The following PTGIS variants were observed in gnomAD, a reference collection of about 807,000 sequenced individuals.
The protein encoded by PTGIS is prostacyclin synthase.
Under a neutral mutation model 50.3 loss-of-function variants are expected in PTGIS, and 45 were observed. The ratio of observed to expected loss-of-function variants is 0.90; its 90% CI spans 0.70 to 1.15. The LOEUF (loss-of-function observed/expected upper bound fraction) is 1.15. PTGIS is among the 50% of genes most tolerant of loss of function. The pLI, the probability that PTGIS is intolerant of heterozygous loss-of-function variation, is 0.00. For missense variants in PTGIS, 668 were observed against 661.3 expected, an observed-to-expected ratio of 1.01 and a Z score of -0.11; for synonymous variants, 260 against 267.7, an observed-to-expected ratio of 0.97 and a Z score of 0.28.
At chr20:49,530,190 T>C (rs1026647306) in intron 5 of PTGIS, among the ~76,000 whole-genome samples, 1 of 151,738 alleles carries the variant, frequency 6.6e-6, no homozygotes, top group African/African-American at 2.4e-5. Context: ...CTGTCATAGT[T>C]ATGTATGTAT....
At chr20:49,554,254 A>C (rs897210034) in intron 1 of PTGIS, among the ~76,000 whole-genome samples, 1 of 152,192 alleles carries the variant, frequency 6.6e-6, no homozygotes, top group African/African-American at 2.4e-5. Flanking sequence ...TTGTAGCCTG[A>C]TGCTAAAAAT....
In PTGIS at chr20:49,507,742, C is replaced by A; in HGVS notation, c.*178G>T. On this transcript the variant is annotated 3_prime_UTR_variant, in exon 10 of 10. Coordinates refer to ENST00000244043, the MANE Select transcript of PTGIS (RefSeq NM_000961.4). ...ATCCATAGAGCTTTCAATGTCTTTT[C>A]TTTGTTCACCCTCTTAGCTTTTCCC... 2 of 833,530 alleles carry A rather than the reference C, an allele frequency of 2.4e-6. No individual in the cohort carries two copies. 51.6% of individuals were successfully genotyped at this position (833,530 alleles called of 1,614,324 possible).
chr20:49,550,697 ATC>A (rs1359262530), intron 1 of PTGIS, among the ~76,000 whole-genome samples: 1 of 152,168 alleles, frequency 6.6e-6, no homozygotes, highest in Non-Finnish European at 1.5e-5. Flanking sequence ...AGAATCCCGA[ATC>A]TCTGAAAATT....
At position 49,536,404 on chromosome 20, in the gene PTGIS, G is replaced by C. The variant is rs76951381; in HGVS notation, c.673+3166C>G. ...ACTGACTATGACAATGCTTAACCTC[G>C]TATCTGGCACATAGTAAGTGCTCAG... On this transcript the variant is annotated intron_variant, in intron 5 of 9. Transcript: ENST00000244043. Among the ~76,000 whole-genome samples, 622 of 151,590 alleles carry C rather than the reference G, an allele frequency of 4.1e-3. 13 individuals are homozygous for C. The East Asian group carries it at 0.069, about 17-fold the overall frequency.
chr20:49,517,120 T>TC (rs2122845586), intron 6 of PTGIS, among the ~76,000 whole-genome samples: 1 of 152,322 alleles, frequency 6.6e-6, no homozygotes, highest in East Asian at 1.9e-4. Flanking sequence ...CACTGGCCCC[T>TC]CCCCTGGATT....
In PTGIS at chr20:49,550,059, C is replaced by T. The variant is rs1475223912; in HGVS notation, c.198+7G>A. On this transcript the variant is annotated splice_region_variant and intron_variant, in intron 2 of 9. Transcript: ENST00000244043. ...CCCATCCCTCCCGAGGCACAAGAGG[C>T]ACTTACAGTAAAGATGTCACCGTGC... The T allele has an allele frequency of 6.2e-7, 1 of 1,614,146 alleles. No individual in the cohort carries two copies. Among genetic ancestry groups the T allele is most frequent in the Non-Finnish European group, 8.5e-7 (1 of 1,180,014 alleles).
chr20:49,567,955 C>T, intron 1 of PTGIS, 88 bp downstream of exon 1: 1 of 1,271,224 alleles, frequency 7.9e-7, no homozygotes, highest in Non-Finnish European at 1.0e-6. Flanking sequence ...CGGGCCGGGC[C>T]GGCCGCGGGC....
chr20:49,521,382 C>T (rs1981647792), intron 6 of PTGIS, among the ~76,000 whole-genome samples: 1 of 152,188 alleles, frequency 6.6e-6, no homozygotes, highest in South Asian at 2.1e-4. Flanking sequence ...AAAGTTTTCC[C>T]ACCTGCCTGA....
intron 7 of PTGIS, among the ~76,000 whole-genome samples, chr20:49,513,910 A>G (rs1981398480): frequency 6.6e-6 from 1 of 152,160 alleles, no homozygotes; most frequent in Admixed American, 6.5e-5. Context: ...GGTGGAGAGG[A>G]ACTGAGTAGT....
Position 49,549,955 on chromosome 20 carries a change from T to C in PTGIS, c.198+111A>G, listed in dbSNP as rs960955699. On this transcript the variant is annotated intron_variant, in intron 2 of 9. Coordinates refer to ENST00000244043, the MANE Select transcript of PTGIS (RefSeq NM_000961.4). ...CTCGACCACTCAGATGGATGTTGGA[T>C]GGTGGGGTGGGGGGGTTGGCATAGG... 20 of 1,560,358 alleles carry C rather than the reference T, an allele frequency of 1.3e-5. 1 individual carries two copies. Among genetic ancestry groups the C allele is most frequent in the Middle Eastern group, 1.7e-4 (1 of 5,826 alleles).
chr20:49,554,048 A>G (rs2122895423), intron 1 of PTGIS, among the ~76,000 whole-genome samples: 1 of 152,308 alleles, frequency 6.6e-6, no homozygotes, highest in Middle Eastern at 3.4e-3. Context: ...ATTGGTTAGA[A>G]CAAAATTTTC....
chr20:49,554,912 A>G (rs901721435), intron 1 of PTGIS, among the ~76,000 whole-genome samples: 1 of 152,206 alleles, frequency 6.6e-6, no homozygotes, highest in African/African-American at 2.4e-5. Context: ...ACAGGATTTA[A>G]TTGGCCTCAT....
intron 1 of PTGIS, among the ~76,000 whole-genome samples, chr20:49,566,390 GC>G (rs1982901356): frequency 6.6e-6 from 1 of 152,216 alleles, no homozygotes. Context: ...AAAAGAGCAA[GC>G]AACATAATGT....
At chr20:49,537,484 G>A (rs1209337036) in intron 5 of PTGIS, among the ~76,000 whole-genome samples, 1 of 152,254 alleles carries the variant, frequency 6.6e-6, no homozygotes, top group African/African-American at 2.4e-5. Flanking sequence ...GCAGGGCGTG[G>A]TGGCTCATGC....
intron 5 of PTGIS, among the ~76,000 whole-genome samples, chr20:49,530,902 G>A (rs1981917830): frequency 6.6e-6 from 1 of 152,120 alleles, no homozygotes. Context: ...TGAGACTACA[G>A]GCGTGCACCA....
chr20:49,507,709 A>C lies in PTGIS; in HGVS notation c.*211T>G. The C allele has an allele frequency of 1.5e-6, 1 of 660,844 alleles. No individual in the cohort carries two copies. The allele number at this position is 660,844 out of a possible 1,614,324, so 40.9% of individuals were successfully genotyped here. A position where few individuals can be genotyped will look rare whatever the true frequency, so the allele number is the denominator to read the frequency against. ...CCTGATTTTGGAAAGAAAACTTTGCAGTGGATAATCCATAGAGCTTTCAAT... is the reference window on the plus strand; with the variant it reads ...CCTGATTTTGGAAAGAAAACTTTGCCGTGGATAATCCATAGAGCTTTCAAT... On this transcript the variant is annotated 3_prime_UTR_variant, in exon 10 of 10. Transcript: ENST00000244043.
chr20:49,549,079 A>T (rs1437568145), intron 2 of PTGIS, among the ~76,000 whole-genome samples: 1 of 152,186 alleles, frequency 6.6e-6, no homozygotes, highest in Non-Finnish European at 1.5e-5. Context: ...GACATCGAAT[A>T]CTGAATATAG....
At chr20:49,527,275 T>C (rs1462534380) in intron 5 of PTGIS, among the ~76,000 whole-genome samples, 1 of 143,918 alleles carries the variant, frequency 6.9e-6, no homozygotes, top group Non-Finnish European at 1.5e-5. Context: ...TGAAACCCTG[T>C]CTCTACTAAA....
chr20:49,527,831 G>A (rs371517828), intron 5 of PTGIS, among the ~76,000 whole-genome samples: 26 of 152,278 alleles, frequency 1.7e-4, no homozygotes, highest in Admixed American at 9.8e-4. Context: ...AGATAGTGTT[G>A]TATAACAAAG....
Sources: gnomAD v4.1 joint callset for allele counts (sites outside exome capture counted in the v4.1 genomes callset) on GRCh38, gnomAD v4.1.1 for gene constraint, MANE v1.5 for transcripts, NCBI Gene and HGNC (gene_info 2026-07-23, HGNC 2026-07-21) for gene names.